Variants in SOX6 observed in about 807,000 individuals in gnomAD.
SOX6 encodes the protein SRY-box transcription factor 6.
A neutral mutation model predicts 97.8 loss-of-function variants in SOX6; 11 were observed. That is an observed-to-expected ratio of 0.11 (90% confidence interval 0.07 to 0.19). SOX6 has a LOEUF of 0.19. Among genes scored for constraint, SOX6 ranks in the 10% least tolerant of loss-of-function variants. The pLI is 1.00. For synonymous variants in SOX6, 360 were observed against 371.4 expected (o/e 0.97, Z 0.35); for missense variants, 810 against 1,039.5 (o/e 0.78, Z 3.04).
intron 1 of SOX6, among the ~76,000 whole-genome samples, chr11:16,372,550 C>A (rs960840429): frequency 5.9e-5 from 9 of 151,980 alleles, no homozygotes; most frequent in Non-Finnish European, 1.0e-4. Flanking sequence ...GTTGGAAAGG[C>A]CACTTCTCCA....
intron 1 of SOX6, among the ~76,000 whole-genome samples, chr11:16,445,893 C>T (rs1377579753): frequency 6.6e-6 from 1 of 152,052 alleles, no homozygotes; most frequent in Non-Finnish European, 1.5e-5. Context: ...TTTGGTTTTT[C>T]TCTAATGGTC....
At chr11:16,667,471 G>A (rs1278278927) in intron 3 of SOX6, among the ~76,000 whole-genome samples, 1 of 151,738 alleles carries the variant, frequency 6.6e-6, no homozygotes, top group African/African-American at 2.4e-5. Context: ...GCTCCAATAT[G>A]TCTAGCAGCA....
chr11:16,053,679 T>C (rs866294174), intron 10 of SOX6, among the ~76,000 whole-genome samples: 59 of 152,292 alleles, frequency 3.9e-4, no homozygotes, highest in African/African-American at 1.4e-3. Flanking sequence ...TTGACAGTTA[T>C]AGTAGACAAA....
chr11:16,332,112 A>T (rs939061909), intron 2 of SOX6, among the ~76,000 whole-genome samples: 11 of 152,160 alleles, frequency 7.2e-5, no homozygotes, highest in African/African-American at 2.7e-4. Flanking sequence ...AAATACATCG[A>T]TGAGAGAACA....
At chr11:16,140,014 T>G (rs189467185) in intron 6 of SOX6, among the ~76,000 whole-genome samples, 260 of 150,456 alleles carry the variant, frequency 1.7e-3, no homozygotes, top group African/African-American at 6.1e-3. Flanking sequence ...AATAAGTATA[T>G]GTGTGTGTGT....
chr11:16,568,028 C>G (rs576045906), intron 4 of SOX6, among the ~76,000 whole-genome samples: 1 of 152,022 alleles, frequency 6.6e-6, no homozygotes, highest in Admixed American at 6.6e-5. Context: ...GTGACACTTT[C>G]GCTTTCTGAT....
chr11:16,019,819 T>C (rs1212187673), intron 12 of SOX6, among the ~76,000 whole-genome samples: 1 of 152,122 alleles, frequency 6.6e-6, no homozygotes, highest in African/African-American at 2.4e-5. Context: ...GTGTTTTGTG[T>C]GTATTCCTGA....
At chr11:16,233,244 C>A (rs752051677) in intron 4 of SOX6, among the ~76,000 whole-genome samples, 1 of 152,080 alleles carries the variant, frequency 6.6e-6, no homozygotes, top group Non-Finnish European at 1.5e-5. Flanking sequence ...TAGTGCAAAT[C>A]ACAGTGATGA....
At chr11:16,305,667 A>C (rs1855407053) in intron 3 of SOX6, among the ~76,000 whole-genome samples, 2 of 152,176 alleles carry the variant, frequency 1.3e-5, no homozygotes, top group African/African-American at 4.8e-5. Context: ...TCAACAAGTA[A>C]ATAGTTAAAC....
At chr11:16,632,697 G>A (rs1848727737) in intron 3 of SOX6, among the ~76,000 whole-genome samples, 1 of 152,226 alleles carries the variant, frequency 6.6e-6, no homozygotes, top group Admixed American at 6.5e-5. Context: ...TAAGCATGGA[G>A]CAAAGCAACC....
chr11:16,220,427 C>T (rs547934833), intron 4 of SOX6, among the ~76,000 whole-genome samples: 7 of 152,010 alleles, frequency 4.6e-5, no homozygotes, highest in South Asian at 2.1e-4. Flanking sequence ...ATTTACCAGG[C>T]CTAGATTATT....
chr11:16,423,058 G>C (rs1163127329), intron 1 of SOX6, among the ~76,000 whole-genome samples: 2 of 152,098 alleles, frequency 1.3e-5, no homozygotes, highest in African/African-American at 4.8e-5. Context: ...AGAAAACCCA[G>C]AGTCTTCATC....
chr11:16,405,339 T>G (rs1590190752), intron 1 of SOX6, among the ~76,000 whole-genome samples: 1 of 152,088 alleles, frequency 6.6e-6, no homozygotes, highest in Non-Finnish European at 1.5e-5. Context: ...GAAGACTAAA[T>G]GCTAATGACC....
chr11:16,057,170 C>T (rs1028744481), intron 9 of SOX6, among the ~76,000 whole-genome samples: 3 of 152,080 alleles, frequency 2.0e-5, no homozygotes, highest in African/African-American at 7.2e-5. Context: ...TCATTATCTA[C>T]AGTATAAAGG....
intron 9 of SOX6, among the ~76,000 whole-genome samples, chr11:16,095,492 G>C (rs551579712): frequency 2.0e-5 from 3 of 151,782 alleles, no homozygotes; most frequent in Non-Finnish European, 4.4e-5. Flanking sequence ...AACTGAGTAC[G>C]TAGAATTAGA....
intron 1 of SOX6, among the ~76,000 whole-genome samples, chr11:16,421,478 T>C (rs1038948335): frequency 1.3e-5 from 2 of 152,092 alleles, no homozygotes; most frequent in Non-Finnish European, 2.9e-5. Flanking sequence ...CCTGAAGAGG[T>C]AAAATTATTG....
At chr11:15,997,857 C>T (rs576959542) in intron 13 of SOX6, among the ~76,000 whole-genome samples, 4 of 152,028 alleles carry the variant, frequency 2.6e-5, no homozygotes, top group Admixed American at 6.6e-5. Context: ...CTGAGGTGGG[C>T]GGATCACGAG....
intron 1 of SOX6, among the ~76,000 whole-genome samples, chr11:16,355,693 T>C (rs1397439851): frequency 2.0e-5 from 3 of 152,140 alleles, no homozygotes; most frequent in South Asian, 4.1e-4. Context: ...AGATGCAGCA[T>C]ATATTAGAAA....
At chr11:16,366,368 C>T (rs1023290560) in intron 1 of SOX6, among the ~76,000 whole-genome samples, 1 of 152,074 alleles carries the variant, frequency 6.6e-6, no homozygotes, top group African/African-American at 2.4e-5. Context: ...TGAAACAAAT[C>T]GCACATATAG....
Sources: allele counts gnomAD v4.1 joint callset (sites outside exome capture counted in the v4.1 genomes callset), GRCh38; gene constraint gnomAD v4.1.1; transcripts MANE v1.5; gene names NCBI Gene and HGNC (gene_info 2026-07-23, HGNC 2026-07-21).